The following C16orf96 variants were observed in gnomAD, a reference collection of about 807,000 sequenced individuals.
C16orf96 encodes uncharacterized protein C16orf96.
C16orf96 carries 108 observed loss-of-function variants against 103.6 expected under a neutral mutation model. The observed-to-expected ratio is 1.04, with a 90% CI of 0.89 to 1.22. The LOEUF (loss-of-function observed/expected upper bound fraction) is 1.22. Among genes scored for constraint, C16orf96 ranks in the 50% most tolerant of loss-of-function variants. The pLI is 0.00. For missense variants in C16orf96, 1,586 were observed against 1,464.2 expected (o/e 1.08, Z -1.36); for synonymous variants, 566 against 593.5 (o/e 0.95, Z 0.67).
chr16:4,544,997 T>C, the C16orf96 span, among the ~76,000 whole-genome samples: 2 of 152,186 alleles, frequency 1.3e-5, no homozygotes, highest in African/African-American at 4.8e-5. Flanking sequence ...CATAAAAACC[T>C]ATAGTACACG....
At chr16:4,538,806 G>A in the C16orf96 span, 6 of 152,194 alleles carry the variant, frequency 3.9e-5, no homozygotes, top group Admixed American at 6.5e-5. Flanking sequence ...TTGGACCAGG[G>A]CCGAGGCCCG....
chr16:4,571,808 C>A, intron 2 of C16orf96, 143 bp downstream of exon 2: 1 of 651,238 alleles, frequency 1.5e-6, no homozygotes, highest in East Asian at 2.8e-5. Context: ...TCCAATTGGC[C>A]AGTGCCACCG....
chr16:4,592,198 C>T lies in C16orf96; in HGVS notation c.2712-107C>T, dbSNP rs1014593444. On this transcript the variant is annotated intron_variant, in intron 10 of 15. Transcript: ENST00000444310. ...CAGGGCCTGTGGGGCTGAGCTGGGC[C>T]GGGCACTGGCAGGAGGGATGCAGCC... The T allele has an allele frequency of 3.8e-5, 52 of 1,374,064 alleles. 1 individual carries two copies. The highest frequency in any genetic ancestry group is 1.9e-4 in the South Asian group (15 of 79,316). 85.1% of individuals were successfully genotyped at this position (1,374,064 alleles called of 1,614,324 possible). A position where few individuals can be genotyped will look rare whatever the true frequency, so the allele number is the denominator to read the frequency against.
rs1359604923 is a variant in C16orf96, at chr16:4,575,750, C to G, written c.1270C>G (p.Pro424Ala). Residue 424 changes from proline (P) to alanine (A), a missense_variant, in exon 5 of 16, where the codon CCA becomes GCA. Pro to Ala is a conservative substitution (Grantham distance 27). Transcript: ENST00000444310. ...AACTCAGCCCCAACCCTCCAGGGCC[C>G]CACCACCAGCCACTGAGTTTGGCTC... ...RPTQPQPSRA[P>A]PPATEFGSLW... is the part of the protein sequence containing the mutation. The G allele has an allele frequency of 1.3e-6, 2 of 1,546,536 alleles. No homozygotes were observed. Among genetic ancestry groups the G allele is most frequent in the African/African-American group, 2.7e-5 (2 of 72,976 alleles).
intron 1 of C16orf96, among the ~76,000 whole-genome samples, chr16:4,562,514 T>G (rs1007354737): frequency 6.6e-6 from 1 of 151,946 alleles, no homozygotes; most frequent in Non-Finnish European, 1.5e-5. Context: ...TTCTTTTATA[T>G]ATTTACAAAA....
intron 1 of C16orf96, among the ~76,000 whole-genome samples, chr16:4,563,701 T>A (rs2059356707): frequency 6.6e-6 from 1 of 151,928 alleles, no homozygotes; most frequent in Non-Finnish European, 1.5e-5. Flanking sequence ...CCTGAGTAAC[T>A]GGGATTACAA....
upstream of C16orf96, among the ~76,000 whole-genome samples, chr16:4,555,980 C>G (rs2059259148): frequency 6.6e-6 from 1 of 152,062 alleles, no homozygotes; most frequent in African/African-American, 2.4e-5. Flanking sequence ...GATTACAGGC[C>G]TGAACCCCCA....
intron 9 of C16orf96, among the ~76,000 whole-genome samples, chr16:4,590,012 G>C (rs1385278821): frequency 6.6e-6 from 1 of 152,084 alleles, no homozygotes; most frequent in Admixed American, 6.6e-5. Flanking sequence ...TGTAGTCCCA[G>C]CTACTTGGGA....
rs1466160685 is a variant in C16orf96, at chr16:4,600,491, C to CA, written c.*174_*175insA. 4.4e-5 allele frequency: 21 copies of CA among 473,170 alleles called. No individual in the cohort carries two copies. The highest frequency in any genetic ancestry group is 7.2e-5 in the Non-Finnish European group (19 of 262,956). 29.3% of individuals were successfully genotyped at this position (473,170 alleles called of 1,614,324 possible). On this transcript the variant is annotated 3_prime_UTR_variant, in exon 16 of 16. Transcript: ENST00000444310. ...ATGTCCGAGGCTGAGGCTCATGCGC[C>CA]CCCCCCCATCCCTACCAAGTCCCCT...
chr16:4,563,513 A>C (rs549532429), intron 1 of C16orf96, among the ~76,000 whole-genome samples: 3 of 151,920 alleles, frequency 2.0e-5, no homozygotes, highest in African/African-American at 7.2e-5. Flanking sequence ...CTTCAGCCCA[A>C]AGTGCTGGGA....
intron 9 of C16orf96, 98 bp from the exon 10 acceptor site, chr16:4,591,568 C>A: frequency 1.1e-6 from 1 of 943,862 alleles, no homozygotes; most frequent in East Asian, 2.6e-5. Context: ...TTTTGTTACA[C>A]CGTGTAACTT....
intron 9 of C16orf96, among the ~76,000 whole-genome samples, chr16:4,590,990 C>T (rs1195846130): frequency 6.6e-6 from 1 of 151,952 alleles, no homozygotes; most frequent in African/African-American, 2.4e-5. Context: ...TGAGATCACA[C>T]CACTGTACTC....
At chr16:4,541,485 G>C in the C16orf96 span, among the ~76,000 whole-genome samples, 2 of 152,172 alleles carry the variant, frequency 1.3e-5, no homozygotes, top group Non-Finnish European at 2.9e-5. Context: ...GAGGTGGGAG[G>C]ATCCCTTCAG....
At position 4,563,925 on chromosome 16, in the gene C16orf96, T is replaced by A. The variant is rs150368214; in HGVS notation, c.420+7016T>A. Among the ~76,000 whole-genome samples the A allele has an allele frequency of 3.2e-3, 486 of 151,322 alleles. 2 individuals are homozygous for A. The highest frequency in any genetic ancestry group is 0.011 in the African/African-American group (458 of 41,318). Reference sequence around the variant, plus strand: ...TAAGACTAGTGGTAACTGCCAGGTGTGGTGGCTCCCACCTGTAATCCCAGC... The same window carrying A: ...TAAGACTAGTGGTAACTGCCAGGTGAGGTGGCTCCCACCTGTAATCCCAGC... On this transcript the variant is annotated intron_variant, in intron 1 of 15. Coordinates refer to ENST00000444310, the MANE Select transcript of C16orf96 (RefSeq NM_001145011.2).
At chr16:4,545,942 C>A in the C16orf96 span, among the ~76,000 whole-genome samples, 1 of 152,056 alleles carries the variant, frequency 6.6e-6, no homozygotes, top group Admixed American at 6.6e-5. Context: ...TTCCGCCTCC[C>A]AGGTTCAAGC....
At chr16:4,592,830 C>T (rs1897089838) in intron 11 of C16orf96, among the ~76,000 whole-genome samples, 3 of 152,212 alleles carry the variant, frequency 2.0e-5, no homozygotes, top group South Asian at 2.1e-4. Context: ...TGCCACTGCT[C>T]TCCAGCCTGG....
At chr16:4,587,453 G>T (rs916043179) in intron 8 of C16orf96, among the ~76,000 whole-genome samples, 2 of 150,838 alleles carry the variant, frequency 1.3e-5, no homozygotes, top group Non-Finnish European at 2.9e-5. Context: ...ACTTGAACCT[G>T]GGAGGCAGAG....
chr16:4,585,548 G>A (rs1896905004), intron 7 of C16orf96, among the ~76,000 whole-genome samples: 1 of 152,224 alleles, frequency 6.6e-6, no homozygotes, highest in African/African-American at 2.4e-5. Context: ...GGGCTGGGAG[G>A]GGGCCTGGAG....
chr16:4,599,012 G>A (rs983705341), intron 14 of C16orf96, among the ~76,000 whole-genome samples: 4 of 151,944 alleles, frequency 2.6e-5, no homozygotes, highest in African/African-American at 7.3e-5. Context: ...CCAGCTACTC[G>A]GGAGGCTGAG....
Sources: allele counts gnomAD v4.1 joint callset (sites outside exome capture counted in the v4.1 genomes callset), GRCh38; gene constraint gnomAD v4.1.1; transcripts MANE v1.5; gene names NCBI Gene and HGNC (gene_info 2026-07-23, HGNC 2026-07-21).